The following FILIP1L variants were observed in gnomAD, a reference collection of about 807,000 sequenced individuals.
FILIP1L encodes filamin A-interacting protein 1-like.
A neutral mutation model predicts 96.6 loss-of-function variants in FILIP1L; 55 were observed. That is an observed-to-expected ratio of 0.57 (90% CI 0.46 to 0.71). FILIP1L has a LOEUF of 0.71. Among genes scored for constraint, FILIP1L ranks in the 30% least tolerant of loss-of-function variants. FILIP1L has a pLI of 0.00. For missense variants in FILIP1L, 1,304 were observed against 1,321.2 expected (o/e 0.99, Z 0.20); for synonymous variants, 467 against 473.9 (o/e 0.99, Z 0.19).
At chr3:99,922,627 G>A (rs925840025) in intron 4 of FILIP1L, among the ~76,000 whole-genome samples, 1 of 152,218 alleles carries the variant, frequency 6.6e-6, no homozygotes, top group Non-Finnish European at 1.5e-5. Flanking sequence ...ATTGGAAGTA[G>A]TTGAATAAGC....
At position 99,850,264 on chromosome 3, in the gene FILIP1L, T is replaced by C. The variant is rs1449263184; in HGVS notation, c.1412A>G (p.Glu471Gly). ...ELESLKVRIK[E>G]LEAIESRLEK... ...TAGCCGACTTTCAATGGCTTCTAGC[T>C]CTTTGATCCTTACTTTTAAACTCTC... The change falls in exon 5 of 6, where the codon GAG (glutamate) becomes GGG (glycine). Residue 471 changes from glutamate (E) to glycine (G), a missense_variant. Coordinates refer to ENST00000477258, the MANE Select transcript of FILIP1L (RefSeq NM_001387850.1). 1 of 1,613,914 alleles carries C rather than the reference T, an allele frequency of 6.2e-7. No homozygotes were observed. The highest frequency in any genetic ancestry group is 8.5e-7 in the Non-Finnish European group (1 of 1,179,988).
Position 99,830,547 on chromosome 3 carries a change from C to G in FILIP1L, c.3440G>C (p.Gly1147Ala), listed in dbSNP as rs920186930. 1 of 456,510 alleles carries G rather than the reference C, an allele frequency of 2.2e-6. No individual in the cohort carries two copies. The highest frequency in any genetic ancestry group is 2.0e-5 in the African/African-American group (1 of 50,042). The allele number at this position is 456,510 out of a possible 1,614,324, so 28.3% of individuals were successfully genotyped here. The change falls in exon 6 of 6, where the codon GGC becomes GCC. Residue 1147 changes from glycine to alanine, a missense_variant. Transcript: ENST00000477258. Reference protein sequence around the residue: ...PARIPKPKSTGITKISTKAPT... With the variant: ...PARIPKPKSTAITKISTKAPT... Reference sequence around the variant, plus strand: ...GGCTTTAGTGGAAATCTTGGTGATGCCTGTAGATTTCGGTTTAGGGATCCG... The same window carrying G: ...GGCTTTAGTGGAAATCTTGGTGATGGCTGTAGATTTCGGTTTAGGGATCCG...
At chr3:99,851,663 G>C (rs992608905) in intron 4 of FILIP1L, among the ~76,000 whole-genome samples, 1 of 152,118 alleles carries the variant, frequency 6.6e-6, no homozygotes, top group Non-Finnish European at 1.5e-5. Context: ...TTATCAAATG[G>C]CTTGCTTGAA....
chr3:99,928,003 G>T (rs1285034110), intron 3 of FILIP1L, among the ~76,000 whole-genome samples: 1 of 152,168 alleles, frequency 6.6e-6, no homozygotes, highest in African/African-American at 2.4e-5. Flanking sequence ...ACATGATTGA[G>T]ATTTTTTAGG....
chr3:100,069,114 C>T (rs989213809), intron 1 of FILIP1L, among the ~76,000 whole-genome samples: 2 of 152,170 alleles, frequency 1.3e-5, no homozygotes, highest in African/African-American at 4.8e-5. Flanking sequence ...AGTTTTGTTC[C>T]ATTTAGTTTC....
chr3:99,948,234 A>G (rs1319615198), intron 1 of FILIP1L, among the ~76,000 whole-genome samples: 1 of 152,136 alleles, frequency 6.6e-6, no homozygotes, highest in South Asian at 2.1e-4. Context: ...TGTTTAGAAA[A>G]GAGAGTCTCA....
intron 1 of FILIP1L, among the ~76,000 whole-genome samples, chr3:100,105,586 G>GTC (rs1394056168): frequency 1.3e-5 from 2 of 152,166 alleles, no homozygotes. Context: ...TACCCTTTAA[G>GTC]CAGAATTGAT....
At chr3:99,980,226 G>T (rs1709082387) in intron 1 of FILIP1L, among the ~76,000 whole-genome samples, 1 of 152,104 alleles carries the variant, frequency 6.6e-6, no homozygotes, top group African/African-American at 2.4e-5. Flanking sequence ...CTAGGAGCTG[G>T]TGCCAAATTG....
chr3:99,960,847 G>A (rs2107702422), intron 1 of FILIP1L, among the ~76,000 whole-genome samples: 1 of 152,248 alleles, frequency 6.6e-6, no homozygotes, highest in African/African-American at 2.4e-5. Context: ...ATATTTTTGC[G>A]TTGTTAATAT....
At chr3:99,889,232 G>A (rs1226160565) in intron 4 of FILIP1L, among the ~76,000 whole-genome samples, 1 of 152,028 alleles carries the variant, frequency 6.6e-6, no homozygotes, top group African/African-American at 2.4e-5. Flanking sequence ...TGATGGATTA[G>A]TTTGTCCTTG....
chr3:99,838,889 GA>G (rs1471010423), intron 5 of FILIP1L, among the ~76,000 whole-genome samples: 1 of 152,020 alleles, frequency 6.6e-6, no homozygotes, highest in Non-Finnish European at 1.5e-5. Context: ...AACCTTCTGT[GA>G]AGACACAGAG....
chr3:99,942,151 G>A (rs374191917), intron 1 of FILIP1L, among the ~76,000 whole-genome samples: 6 of 151,538 alleles, frequency 4.0e-5, no homozygotes, highest in African/African-American at 1.5e-4. Context: ...GTAGTGAGCC[G>A]AGATCGTGCC....
Position 99,957,281 on chromosome 3 carries a change from G to A in FILIP1L, c.-10-26251C>T, listed in dbSNP as rs114121242. Among the ~76,000 whole-genome samples, 779 of 152,190 alleles carry A rather than the reference G, an allele frequency of 5.1e-3. 6 individuals are homozygous for A. Among genetic ancestry groups the A allele is most frequent in the African/African-American group, 0.018 (733 of 41,574 alleles). ...ATGAACCACATGCATTGTATGCATA[G>A]CAGCTATTCTTAAGAATTCTGATTT... On this transcript the variant is annotated intron_variant, in intron 1 of 5. Transcript: ENST00000477258.
At chr3:99,885,926 G>A (rs1019857282) in intron 4 of FILIP1L, among the ~76,000 whole-genome samples, 8 of 152,204 alleles carry the variant, frequency 5.3e-5, no homozygotes, top group South Asian at 2.1e-4. Context: ...TCTTTTCAGC[G>A]AGTCATGGTA....
Position 99,982,618 on chromosome 3 carries a change from A to G in FILIP1L, c.-10-51588T>C, listed in dbSNP as rs190955588. Among the ~76,000 whole-genome samples, 16 of 152,292 alleles carry G rather than the reference A, an allele frequency of 1.1e-4. No individual in the cohort carries two copies. In the East Asian group the frequency reaches 3.1e-3, roughly 29 times the overall value. ...CTCAGCGTCCCAAAGTGCTGGGATT[A>G]CAGGCATGAGCCACTATGCCTGGCC... On this transcript the variant is annotated intron_variant, in intron 1 of 5. Transcript: ENST00000477258.
At chr3:100,097,512 T>C (rs2066231781) in intron 1 of FILIP1L, among the ~76,000 whole-genome samples, 1 of 152,170 alleles carries the variant, frequency 6.6e-6, no homozygotes, top group African/African-American at 2.4e-5. Context: ...ACACAGTATA[T>C]CTCTCTATTT....
At chr3:100,058,412 A>G (rs2065502539) in intron 1 of FILIP1L, among the ~76,000 whole-genome samples, 1 of 152,230 alleles carries the variant, frequency 6.6e-6, no homozygotes, top group African/African-American at 2.4e-5. Context: ...CTCTGAAGGC[A>G]GGCAGAGAAA....
At chr3:99,987,453 C>T (rs542796227) in intron 1 of FILIP1L, among the ~76,000 whole-genome samples, 2 of 148,416 alleles carry the variant, frequency 1.3e-5, no homozygotes, top group East Asian at 2.0e-4. Flanking sequence ...CTCTTGAACC[C>T]GGGAGGCAGA....
At chr3:99,835,477 T>C (rs1043329762) in intron 5 of FILIP1L, among the ~76,000 whole-genome samples, 5 of 152,234 alleles carry the variant, frequency 3.3e-5, no homozygotes, top group African/African-American at 1.2e-4. Flanking sequence ...ATTAGCCATA[T>C]GAGCTTTTGT....
Sources: allele counts gnomAD v4.1 joint callset (sites outside exome capture counted in the v4.1 genomes callset), GRCh38; gene constraint gnomAD v4.1.1; transcripts MANE v1.5; gene names NCBI Gene and HGNC (gene_info 2026-07-23, HGNC 2026-07-21).